Variants in WLS observed in about 807,000 individuals in gnomAD.
WLS encodes Wnt ligand secretion mediator.
WLS carries 23 observed loss-of-function variants against 62.8 expected under a neutral mutation model. The ratio of observed to expected loss-of-function variants is 0.37; its 90% confidence interval spans 0.26 to 0.52. WLS has a LOEUF of 0.52. WLS is among the 20% of genes least tolerant of loss of function. The pLI is 0.92. For missense variants in WLS, 615 were observed against 697.3 expected (o/e 0.88, Z 1.33); for synonymous variants, 246 against 244.1 (o/e 1.01, Z -0.07).
At chr1:68,160,635 G>GT (rs996337356) in intron 2 of WLS, among the ~76,000 whole-genome samples, 1 of 152,020 alleles carries the variant, frequency 6.6e-6, no homozygotes, top group African/African-American at 2.4e-5. Context: ...AAATGTCTAC[G>GT]TTTACAATAA....
intron 1 of WLS, among the ~76,000 whole-genome samples, chr1:68,220,685 C>T (rs902680043): frequency 6.6e-6 from 1 of 152,126 alleles, no homozygotes; most frequent in African/African-American, 2.4e-5. Context: ...TGGAAAACCT[C>T]GAGCCAACAC....
intron 2 of WLS, among the ~76,000 whole-genome samples, chr1:68,193,149 G>C (rs1231833171): frequency 6.6e-6 from 1 of 151,124 alleles, no homozygotes. Context: ...AAGAAATAAT[G>C]TTTCAATCTA....
intron 11 of WLS, among the ~76,000 whole-genome samples, chr1:68,110,729 GTTTGTATATATA>G (rs1189440743): frequency 5.5e-5 from 6 of 108,760 alleles, no homozygotes; most frequent in South Asian, 3.1e-4. Context: ...GTATATATAT[GTTTGTATATATA>G]TGTGTGTATA....
At chr1:68,231,683 C>T in intron 1 of WLS, 1 of 455,660 alleles carries the variant, frequency 2.2e-6, no homozygotes, top group Non-Finnish European at 4.4e-6. Flanking sequence ...CTAGCAAAGA[C>T]GACCAAATGC....
chr1:68,191,411 CA>C (rs954183728), intron 2 of WLS, among the ~76,000 whole-genome samples: 19 of 151,756 alleles, frequency 1.3e-4, no homozygotes, highest in East Asian at 1.9e-4. Flanking sequence ...CTGCAGGTTT[CA>C]AAAAAAAATT....
exon 12 of WLS, chr1:68,098,544 A>G: frequency 6.5e-7 from 1 of 1,531,124 alleles, no homozygotes; most frequent in South Asian, 1.3e-5. Flanking sequence ...AGGCTAAATG[A>G]GTGTATTTGT....
chr1:68,189,218 T>C (rs1648149500), intron 2 of WLS, among the ~76,000 whole-genome samples: 1 of 152,114 alleles, frequency 6.6e-6, no homozygotes, highest in South Asian at 2.1e-4. Context: ...GTCATCCTTA[T>C]TTTCTCTCAT....
chr1:68,220,181 T>C (rs1336430412), intron 1 of WLS, among the ~76,000 whole-genome samples: 1 of 152,230 alleles, frequency 6.6e-6, no homozygotes, highest in African/African-American at 2.4e-5. Flanking sequence ...TATTGGACTA[T>C]TGGCTAGCAT....
intron 1 of WLS, among the ~76,000 whole-genome samples, chr1:68,205,511 T>C (rs1341405599): frequency 6.6e-6 from 1 of 152,198 alleles, no homozygotes; most frequent in Non-Finnish European, 1.5e-5. Flanking sequence ...AGCCAGGACT[T>C]ACAGTTATTT....
intron 8 of WLS, among the ~76,000 whole-genome samples, chr1:68,147,095 G>A (rs1046990402): frequency 7.9e-5 from 12 of 152,052 alleles, no homozygotes; most frequent in South Asian, 2.1e-4. Flanking sequence ...TGAACTTGGC[G>A]TGCATATTTC....
At chr1:68,127,567 TCTGA>T (rs140088704) in intron 11 of WLS, among the ~76,000 whole-genome samples, 41,770 of 151,974 alleles carry the variant, frequency 0.27, 5,761 homozygotes, top group East Asian at 0.39. Context: ...CCACGCTCAG[TCTGA>T]CTGTGTGTGG....
chr1:68,117,972 GA>G (rs11346016), intron 11 of WLS, among the ~76,000 whole-genome samples: 19,956 of 149,212 alleles, frequency 0.13, 1,356 homozygotes, highest in African/African-American at 0.16. Context: ...GAATTGATGA[GA>G]AAAAAAAAAC....
At chr1:68,196,132 T>C (rs1648646176) in intron 1 of WLS, among the ~76,000 whole-genome samples, 1 of 151,274 alleles carries the variant, frequency 6.6e-6, no homozygotes, top group Non-Finnish European at 1.5e-5. Flanking sequence ...GCTAGGATAT[T>C]GAAGATTAAA....
chr1:68,216,778 T>G (rs1035267951), intron 1 of WLS, among the ~76,000 whole-genome samples: 2 of 152,198 alleles, frequency 1.3e-5, no homozygotes, highest in Non-Finnish European at 2.9e-5. Flanking sequence ...ATTATTTAAT[T>G]CAAGCCGCAA....
chr1:68,146,697 A>G lies in WLS; in HGVS notation c.1135-685T>C, dbSNP rs535726277. On this transcript the variant is annotated intron_variant, in intron 8 of 11. Transcript: ENST00000262348. ...GTCACCACAGAAAATCTTGTCCAAC[A>G]GAATGGGGATTCAAGGACACATGGC... Among the ~76,000 whole-genome samples, 92 of 152,310 alleles carry G rather than the reference A, an allele frequency of 6.0e-4. 1 individual carries two copies. The highest frequency in any genetic ancestry group is 2.0e-3 in the African/African-American group (84 of 41,572).
chr1:68,231,832 A>G lies in WLS; in HGVS notation c.106+362T>C, dbSNP rs916676418. On this transcript the variant is annotated intron_variant, in intron 1 of 11. Coordinates refer to ENST00000262348, the MANE Select transcript of WLS (RefSeq NM_024911.7). ...AGCTGATTGGAAGGGAACCGAGAGG[A>G]AAAGGGGGGGAACGCGGGAAAAAGC... is the stretch of plus-strand genomic sequence containing the variant. 2.8e-4 allele frequency: 114 copies of G among 410,304 alleles called. No homozygotes were observed. In the African/African-American group the frequency reaches 2.8e-3, roughly 10 times the overall value. 25.4% of individuals were successfully genotyped at this position (410,304 alleles called of 1,614,324 possible). A position where few individuals can be genotyped will look rare whatever the true frequency, so the allele number is the denominator to read the frequency against.
chr1:68,177,353 C>A (rs1335840833), intron 2 of WLS, among the ~76,000 whole-genome samples: 1 of 152,086 alleles, frequency 6.6e-6, no homozygotes, highest in Non-Finnish European at 1.5e-5. Flanking sequence ...AAGTCCTTGA[C>A]CTGAAGTTAA....
At chr1:68,210,524 T>C (rs141535585) in intron 1 of WLS, among the ~76,000 whole-genome samples, 52 of 152,282 alleles carry the variant, frequency 3.4e-4, no homozygotes, top group African/African-American at 1.2e-3. Flanking sequence ...ATTGAAAAAC[T>C]AAACAAGCTG....
chr1:68,127,350 G>A (rs1257599788), intron 11 of WLS, among the ~76,000 whole-genome samples: 1 of 152,200 alleles, frequency 6.6e-6, no homozygotes, highest in South Asian at 2.1e-4. Context: ...TGCCAGAAAC[G>A]TGCTGTGCAT....
Sources: allele counts gnomAD v4.1 joint callset (sites outside exome capture counted in the v4.1 genomes callset), GRCh38; gene constraint gnomAD v4.1.1; transcripts MANE v1.5; gene names NCBI Gene and HGNC (gene_info 2026-07-23, HGNC 2026-07-21).